Variants in FAH observed in about 807,000 individuals in gnomAD.
The protein encoded by FAH is fumarylacetoacetate hydrolase, also known as fumarylacetoacetase.
In FAH, 47 loss-of-function variants were observed where a neutral mutation model predicts 55.8. The observed-to-expected ratio is 0.84, with a 90% CI of 0.67 to 1.07. The LOEUF (loss-of-function observed/expected upper bound fraction) is 1.07, where lower values mean the gene tolerates loss of function less well. Ranked by LOEUF, FAH falls within the 50% of genes least tolerant of loss-of-function variation. The probability of loss-of-function intolerance (pLI) is 0.00; values close to 1 mark genes in which losing one functional copy is unlikely to be tolerated. For missense variants in FAH, 495 were observed against 545.9 expected (o/e 0.91, Z 0.93); for synonymous variants, 199 against 207.7 (o/e 0.96, Z 0.36).
chr15:80,183,464 C>T (rs1268221638), intron 13 of FAH, among the ~76,000 whole-genome samples: 1 of 152,210 alleles, frequency 6.6e-6, no homozygotes, highest in East Asian at 1.9e-4. Context: ...CCCGCATTGG[C>T]GGACGGCTCT....
At chr15:80,161,621 T>C (rs2041149581) in intron 4 of FAH, among the ~76,000 whole-genome samples, 1 of 152,182 alleles carries the variant, frequency 6.6e-6, no homozygotes, top group Non-Finnish European at 1.5e-5. Context: ...GCATCTGCAG[T>C]GTGCAAGCCC....
intron 13 of FAH, among the ~76,000 whole-genome samples, chr15:80,184,893 C>G (rs567845916): frequency 5.9e-5 from 9 of 152,188 alleles, no homozygotes; most frequent in African/African-American, 1.9e-4. Context: ...GCTAAGATAT[C>G]CCCCCTTCCT....
intron 11 of FAH, among the ~76,000 whole-genome samples, chr15:80,178,993 C>A (rs1027801419): frequency 6.6e-6 from 1 of 152,208 alleles, no homozygotes; most frequent in African/African-American, 2.4e-5. Flanking sequence ...TTAGTACACA[C>A]CTTTTGGTGC....
Position 80,168,233 on chromosome 15 carries a change from C to CT in FAH, c.554-31_554-30insT, listed in dbSNP as rs567815427. On this transcript the variant is annotated intron_variant, in intron 6 of 13. Transcript: ENST00000561421. ...AGTTCTGTGGCCTCACTCACAGCAC[C>CT]GTTTTTTTTTTTTTTCTGGTGTTAT... 2.1e-4 allele frequency: 337 copies of CT among 1,590,472 alleles called. No homozygotes were observed. The African/African-American group carries it at 4.1e-3, about 19-fold the overall frequency.
chr15:80,169,555 A>G (rs1260974099), intron 7 of FAH, among the ~76,000 whole-genome samples: 1 of 151,594 alleles, frequency 6.6e-6, no homozygotes, highest in South Asian at 2.1e-4. Context: ...TTTTTCTGAG[A>G]TGGAGTCTCA....
rs926772025 is a variant in FAH at position 80,154,498 on chromosome 15, T to G, written c.81+1363T>G. On this transcript the variant is annotated intron_variant, in intron 1 of 13. Coordinates refer to ENST00000561421, the MANE Select transcript of FAH (RefSeq NM_000137.4). ...GAGAGAGCCCCATTCCGCTGTCCTC[T>G]GATACAGTGCTGGGGGTGGAGAGTT... Among the ~76,000 whole-genome samples the G allele has an allele frequency of 2.2e-4, 34 of 152,356 alleles. 1 individual carries two copies. Among genetic ancestry groups the G allele is most frequent in the African/African-American group, 8.2e-4 (34 of 41,592 alleles).
chr15:80,174,336 A>G (rs953628206), intron 9 of FAH, among the ~76,000 whole-genome samples: 2 of 152,056 alleles, frequency 1.3e-5, no homozygotes, highest in Non-Finnish European at 2.9e-5. Context: ...GTACAACACT[A>G]CTATTCCCCC....
intron 10 of FAH, among the ~76,000 whole-genome samples, chr15:80,175,997 A>C (rs927510397): frequency 2.0e-5 from 3 of 151,548 alleles, no homozygotes; most frequent in African/African-American, 7.3e-5. Context: ...GCTCCATTCC[A>C]TTCCTTTTTC....
intron 7 of FAH, among the ~76,000 whole-genome samples, chr15:80,170,417 C>G (rs1327986834): frequency 6.6e-6 from 1 of 152,144 alleles, no homozygotes; most frequent in African/African-American, 2.4e-5. Flanking sequence ...CCCTGTCTCT[C>G]CTGGGCTTCC....
chr15:80,168,123 C>T lies in FAH; in HGVS notation c.527C>T (p.Pro176Leu). 1 of 1,614,128 alleles carries T rather than the reference C, an allele frequency of 6.2e-7. No individual in the cohort carries two copies. Among genetic ancestry groups the T allele is most frequent in the Non-Finnish European group, 8.5e-7 (1 of 1,180,018 alleles). ...GTGTCTGGCACCCCAATCCGAAGGCCCATGGGACAGATGAAACCTGATGAC... is the reference window on the plus strand; with the variant it reads ...GTGTCTGGCACCCCAATCCGAAGGCTCATGGGACAGATGAAACCTGATGAC... The part of the protein sequence containing the change: ...VVVSGTPIRR[P>L]MGQMKPDDSK... The change falls in exon 6 of 14, where the codon CCC becomes CTC. Residue 176 changes from proline to leucine, a missense_variant. Pro to Leu is a moderately conservative substitution (Grantham distance 98). Coordinates refer to ENST00000561421, the MANE Select transcript of FAH (RefSeq NM_000137.4).
intron 5 of FAH, 88 bp from the exon 6 acceptor site, chr15:80,167,964 C>G: frequency 9.1e-7 from 1 of 1,095,352 alleles, no homozygotes; most frequent in South Asian, 1.3e-5. Flanking sequence ...TGTGGCGACT[C>G]TTTGTTTCTA....
intron 9 of FAH, among the ~76,000 whole-genome samples, chr15:80,174,599 G>A (rs1030004155): frequency 6.6e-6 from 1 of 152,184 alleles, no homozygotes; most frequent in African/African-American, 2.4e-5. Context: ...TCCAGCACCA[G>A]CCAGGGCTGT....
intron 7 of FAH, among the ~76,000 whole-genome samples, chr15:80,171,200 C>T (rs942480172): frequency 4.0e-5 from 6 of 151,746 alleles, no homozygotes; most frequent in African/African-American, 9.7e-5. Context: ...CCCATTAAGT[C>T]GTCATTTAGC....
At chr15:80,156,947 G>A (rs1407959262) in intron 1 of FAH, 1 of 152,450 alleles carries the variant, frequency 6.6e-6, no homozygotes, top group African/African-American at 2.4e-5. Context: ...CCTTCAGCTG[G>A]GGTGTGGGGA....
chr15:80,160,513 G>A (rs1010062831), intron 4 of FAH, 54 bp downstream of exon 4: 1 of 1,552,384 alleles, frequency 6.4e-7, no homozygotes, highest in Admixed American at 1.7e-5. Flanking sequence ...TGGGCCAAGA[G>A]GGCTGGCCAG....
intron 12 of FAH, 180 bp downstream of exon 12, chr15:80,180,405 C>A (rs2041321248): frequency 3.2e-6 from 2 of 625,758 alleles, no homozygotes; most frequent in Non-Finnish European, 5.8e-6. Flanking sequence ...CATCCAAATT[C>A]AAACCTAAAG....
intron 1 of FAH, among the ~76,000 whole-genome samples, chr15:80,155,079 C>T (rs1238679517): frequency 6.6e-6 from 1 of 152,204 alleles, no homozygotes; most frequent in Non-Finnish European, 1.5e-5. Context: ...AATACTCGTC[C>T]TTCTGCTCTC....
chr15:80,168,437 C>T (rs1431590941), intron 7 of FAH, 121 bp downstream of exon 7: 26 of 934,966 alleles, frequency 2.8e-5, no homozygotes, highest in South Asian at 3.9e-5. Flanking sequence ...CATCGGCAGC[C>T]GCTCTGTGTC....
chr15:80,161,480 T>C (rs902357809), intron 4 of FAH, among the ~76,000 whole-genome samples: 1 of 151,706 alleles, frequency 6.6e-6, no homozygotes, highest in African/African-American at 2.4e-5. Context: ...TGAGGAGACA[T>C]TTAGGAAGAT....
Sources: allele counts gnomAD v4.1 joint callset (sites outside exome capture counted in the v4.1 genomes callset), GRCh38; gene constraint gnomAD v4.1.1; transcripts MANE v1.5; gene names NCBI Gene and HGNC (gene_info 2026-07-23, HGNC 2026-07-21).